TTC3: variants seen among roughly 807,000 people sequenced by gnomAD.
The protein encoded by TTC3 is E3 ubiquitin-protein ligase TTC3.
A neutral mutation model predicts 249.6 loss-of-function variants in TTC3; 180 were observed. The observed-to-expected ratio is 0.72, with a 90% confidence interval of 0.64 to 0.82. The LOEUF (loss-of-function observed/expected upper bound fraction) is 0.82. Ranked by LOEUF, TTC3 falls within the 40% of genes least tolerant of loss-of-function variation. TTC3 has a pLI of 0.00. For missense variants in TTC3, 2,061 were observed against 2,398.4 expected (o/e 0.86, Z 2.94); for synonymous variants, 717 against 805.0 (o/e 0.89, Z 1.85).
intron 10 of TTC3, among the ~76,000 whole-genome samples, chr21:37,101,950 AGATT>A (rs925381362): frequency 6.7e-6 from 1 of 148,994 alleles, no homozygotes; most frequent in Non-Finnish European, 1.5e-5. Context: ...ATTAGTATAT[AGATT>A]ATTTTATTTA....
At chr21:37,198,447 C>T (rs2085150741) in intron 44 of TTC3, among the ~76,000 whole-genome samples, 1 of 152,130 alleles carries the variant, frequency 6.6e-6, no homozygotes, top group Non-Finnish European at 1.5e-5. Context: ...GTCAATGTGT[C>T]GTGTGGCCAC....
At chr21:37,200,098 C>T in intron 44 of TTC3, 134 bp from the exon 45 acceptor site, 1 of 570,130 alleles carries the variant, frequency 1.8e-6, no homozygotes. Flanking sequence ...TTTCCTCAGA[C>T]TGTTTAGCTG....
chr21:37,115,310 T>C (rs1468694428), intron 11 of TTC3, among the ~76,000 whole-genome samples: 1 of 152,076 alleles, frequency 6.6e-6, no homozygotes, highest in African/African-American at 2.4e-5. Flanking sequence ...GAACCCACTA[T>C]GTGAGTAAAT....
At position 37,125,028 on chromosome 21, in the gene TTC3, G is replaced by A. The variant is rs371520965; in HGVS notation, c.1233+286G>A. On this transcript the variant is annotated intron_variant, in intron 14 of 45. Coordinates refer to ENST00000355666, the Ensembl canonical transcript of TTC3. ...GCTTCTCTTTGTATCTTTTCCCTTC[G>A]GTTGTTGGAAAAGTCCTCTTGTTGA... Among the ~76,000 whole-genome samples, 241 of 152,064 alleles carry A rather than the reference G, an allele frequency of 1.6e-3. 2 individuals are homozygous for A. The highest frequency in any genetic ancestry group is 5.0e-3 in the African/African-American group (208 of 41,478).
chr21:37,153,355 C>T, intron 27 of TTC3, 78 bp downstream of exon 27: 2 of 1,256,902 alleles, frequency 1.6e-6, no homozygotes, highest in Non-Finnish European at 2.2e-6. Context: ...TTTCATTTTC[C>T]TGCCATATAA....
intron 11 of TTC3, among the ~76,000 whole-genome samples, chr21:37,113,353 A>G (rs1453120714): frequency 6.6e-6 from 1 of 152,228 alleles, no homozygotes; most frequent in African/African-American, 2.4e-5. Context: ...TCAGAGTACA[A>G]AATCAATGTG....
chr21:37,112,168 A>G (rs762815135), intron 11 of TTC3, among the ~76,000 whole-genome samples: 3 of 152,236 alleles, frequency 2.0e-5, no homozygotes, highest in Non-Finnish European at 4.4e-5. Flanking sequence ...TGCAAAAGCT[A>G]GCAGAAGGCA....
intron 29 of TTC3, among the ~76,000 whole-genome samples, 191 bp from the exon 30 acceptor site, chr21:37,160,609 GTA>G (rs2080625114): frequency 3.6e-3 from 1 of 274 alleles, no homozygotes; most frequent in African/African-American, 0.012. Flanking sequence ...GTATACATTA[GTA>G]TTATTAAATT....
Position 37,093,951 on chromosome 21 carries a change from T to G in TTC3, c.602-54T>G, listed in dbSNP as rs2073625545. ...AATTAGAATATTATCAATACCAATT[T>G]GTTTTTTTTTAAACAAATGTTCTCT... On this transcript the variant is annotated intron_variant, in intron 7 of 45. Transcript: ENST00000355666. 8 of 1,167,370 alleles carry G rather than the reference T, an allele frequency of 6.9e-6. No individual in the cohort carries two copies. The South Asian group carries it at 1.0e-4, about 15-fold the overall frequency. 72.3% of individuals were successfully genotyped at this position (1,167,370 alleles called of 1,614,324 possible). A position where few individuals can be genotyped will look rare whatever the true frequency, so the allele number is the denominator to read the frequency against.
intron 1 of TTC3, among the ~76,000 whole-genome samples, chr21:37,076,694 A>ATTT (rs61629167): frequency 0.17 from 16,133 of 94,198 alleles, 2,332 homozygotes; most frequent in South Asian, 0.2. Flanking sequence ...AAACAAAGGG[A>ATTT]TTTTTTTTTT....
chr21:37,076,912 G>A (rs1276059660), intron 1 of TTC3, among the ~76,000 whole-genome samples: 3 of 151,750 alleles, frequency 2.0e-5, no homozygotes, highest in African/African-American at 7.3e-5. Flanking sequence ...TGTTGGCTAG[G>A]CACGTCTTGA....
intron 35 of TTC3, among the ~76,000 whole-genome samples, chr21:37,172,976 G>C (rs138663135): frequency 1.3e-5 from 2 of 152,126 alleles, no homozygotes; most frequent in African/African-American, 4.8e-5. Flanking sequence ...CTGGGTTTTC[G>C]TTTAGCTATA....
intron 14 of TTC3, 135 bp downstream of exon 14, chr21:37,124,877 T>A: frequency 1.4e-6 from 1 of 736,266 alleles, no homozygotes; most frequent in Non-Finnish European, 2.2e-6. Flanking sequence ...GAAATAATGA[T>A]TCTCTTTTAA....
intron 41 of TTC3, among the ~76,000 whole-genome samples, chr21:37,192,919 T>C (rs751731977): frequency 4.8e-4 from 73 of 152,202 alleles, no homozygotes; most frequent in Non-Finnish European, 2.9e-4. Flanking sequence ...CATAGATAGA[T>C]GCTTAGTAAA....
intron 1 of TTC3, among the ~76,000 whole-genome samples, chr21:37,080,021 G>T (rs2071417041): frequency 6.6e-6 from 1 of 151,852 alleles, no homozygotes; most frequent in Middle Eastern, 3.4e-3. Flanking sequence ...TTATTTCATT[G>T]ATCTTTTTTC....
intron 36 of TTC3, among the ~76,000 whole-genome samples, chr21:37,184,443 TTCTC>T (rs1402654281): frequency 2.0e-5 from 3 of 151,938 alleles, no homozygotes; most frequent in African/African-American, 7.2e-5. Flanking sequence ...AGCCACACGC[TTCTC>T]TCTAAGTTTT....
At chr21:37,084,683 A>G (rs2072170779) in intron 1 of TTC3, among the ~76,000 whole-genome samples, 1 of 152,182 alleles carries the variant, frequency 6.6e-6, no homozygotes, top group Non-Finnish European at 1.5e-5. Context: ...ACTTTGTCAC[A>G]TTGCCTCTCT....
At position 37,185,779 on chromosome 21, in the gene TTC3, A is replaced by C. The variant is rs2083196097; in HGVS notation, c.4826+5A>C. 6.6e-7 allele frequency: 1 copy of C among 1,519,642 alleles called. No homozygotes were observed. The highest frequency in any genetic ancestry group is 1.4e-5 in the African/African-American group (1 of 70,188). 94.1% of individuals were successfully genotyped at this position (1,519,642 alleles called of 1,614,324 possible). A position where few individuals can be genotyped will look rare whatever the true frequency, so the allele number is the denominator to read the frequency against. On this transcript the variant is annotated splice_donor_5th_base_variant and intron_variant, in intron 37 of 45. Transcript: ENST00000355666. ...GGATCAGTCCCTTGAAATCAGGCAA[A>C]TTAAGCTTAAATTTATTTTTAATAT... is the stretch of plus-strand genomic sequence containing the variant.
chr21:37,087,410 G>A lies in TTC3; in HGVS notation c.144+9G>A, dbSNP rs778461413. 26 of 1,612,628 alleles carry A rather than the reference G, an allele frequency of 1.6e-5. No individual in the cohort carries two copies. The highest frequency in any genetic ancestry group is 2.0e-5 in the Non-Finnish European group (24 of 1,179,340). On this transcript the variant is annotated intron_variant, in intron 2 of 45. Transcript: ENST00000355666. Reference sequence around the variant, plus strand: ...TTTACTGTGATGGGGTGGTAAGTAGGTTTGCTAATTTTTCATTTTTGACAT... The same window carrying A: ...TTTACTGTGATGGGGTGGTAAGTAGATTTGCTAATTTTTCATTTTTGACAT...
Sources: allele counts gnomAD v4.1 joint callset (sites outside exome capture counted in the v4.1 genomes callset), GRCh38; gene constraint gnomAD v4.1.1; transcripts MANE v1.5; gene names NCBI Gene and HGNC (gene_info 2026-07-23, HGNC 2026-07-21).